ELSPBP1: variants seen among roughly 807,000 people sequenced by gnomAD.
The protein encoded by ELSPBP1 is epididymal sperm binding protein 1.
Under a neutral mutation model 33.3 loss-of-function variants are expected in ELSPBP1, and 38 were observed. The observed-to-expected ratio is 1.14, with a 90% confidence interval of 0.88 to 1.50. ELSPBP1 has a LOEUF of 1.50. Among genes scored for constraint, ELSPBP1 ranks in the 40% most tolerant of loss-of-function variants. The pLI is 0.00. For missense variants in ELSPBP1, 267 were observed against 263.5 expected (o/e 1.01, Z -0.09); for synonymous variants, 85 against 94.1 (o/e 0.90, Z 0.56).
chr19:48,023,358 A>AAGGGAGGAAGGAAGAGAGGAAAGG (rs1967225308), intron 6 of ELSPBP1, among the ~76,000 whole-genome samples: 1 of 109,528 alleles, frequency 9.1e-6, no homozygotes, highest in Admixed American at 9.5e-5. Flanking sequence ...GGAAAGAAGG[A>AAGGGAGGAAGGAAGAGAGGAAAGG]AGGGAGGAAG....
chr19:48,022,025 T>C, intron 5 of ELSPBP1, 145 bp from the exon 6 acceptor site: 1 of 699,582 alleles, frequency 1.4e-6, no homozygotes, highest in Non-Finnish European at 2.4e-6. Context: ...TGGGATTAAA[T>C]GCGCGCGATT....
At chr19:48,012,522 A>T (rs1157221115) in intron 2 of ELSPBP1, among the ~76,000 whole-genome samples, 1 of 152,066 alleles carries the variant, frequency 6.6e-6, no homozygotes, top group African/African-American at 2.4e-5. Context: ...ATCAATTCTC[A>T]TTTTCATATT....
At chr19:47,996,383 T>A (rs1224578877) in intron 1 of ELSPBP1, among the ~76,000 whole-genome samples, 1 of 152,148 alleles carries the variant, frequency 6.6e-6, no homozygotes, top group African/African-American at 2.4e-5. Context: ...GATGAATGAT[T>A]GATGGATGGA....
chr19:48,002,394 T>C (rs1966976607), intron 1 of ELSPBP1, among the ~76,000 whole-genome samples: 1 of 152,008 alleles, frequency 6.6e-6, no homozygotes, highest in South Asian at 2.1e-4. Context: ...GGAATTGGGG[T>C]TTTGGGCCAG....
intron 2 of ELSPBP1, among the ~76,000 whole-genome samples, chr19:48,009,150 A>G (rs1446804376): frequency 6.6e-6 from 1 of 151,954 alleles, no homozygotes. Flanking sequence ...AAAAAAAAAA[A>G]AAAATCTCAG....
chr19:47,995,448 T>C (rs1966903549), intron 1 of ELSPBP1, among the ~76,000 whole-genome samples: 1 of 152,208 alleles, frequency 6.6e-6, no homozygotes, highest in Non-Finnish European at 1.5e-5. Context: ...GTTCTGTCAA[T>C]GTTTGGACCA....
intron 2 of ELSPBP1, among the ~76,000 whole-genome samples, chr19:48,010,668 G>A (rs118051387): frequency 0.011 from 1,711 of 152,304 alleles, 72 homozygotes; most frequent in Admixed American, 0.072. Flanking sequence ...AAGCTGGGAA[G>A]AGAGGAAAGG....
chr19:48,005,437 C>G (rs1967008178), intron 1 of ELSPBP1, among the ~76,000 whole-genome samples: 1 of 135,010 alleles, frequency 7.4e-6, no homozygotes, highest in Admixed American at 7.7e-5. Flanking sequence ...CAGCAAGAGA[C>G]AGGGACAGCA....
chr19:48,021,434 T>G (rs1187401551), intron 5 of ELSPBP1, among the ~76,000 whole-genome samples: 1 of 133,232 alleles, frequency 7.5e-6, no homozygotes, highest in Non-Finnish European at 1.6e-5. Flanking sequence ...CTTTTTATAT[T>G]TTGTTTTATT....
chr19:48,020,644 C>T (rs898281560), intron 5 of ELSPBP1, among the ~76,000 whole-genome samples: 2 of 152,160 alleles, frequency 1.3e-5, no homozygotes, highest in African/African-American at 4.8e-5. Flanking sequence ...GAGACAAATC[C>T]TCCATCCACC....
intron 3 of ELSPBP1, among the ~76,000 whole-genome samples, chr19:48,015,615 G>C (rs928151287): frequency 1.4e-4 from 22 of 152,082 alleles, no homozygotes; most frequent in African/African-American, 4.6e-4. Flanking sequence ...CCAAGATCTC[G>C]CTATTGCACT....
intron 2 of ELSPBP1, among the ~76,000 whole-genome samples, chr19:48,009,570 G>A (rs34008653): frequency 0.17 from 25,410 of 152,060 alleles, 2,187 homozygotes; most frequent in South Asian, 0.23. Context: ...CTGATAAATC[G>A]TTCTCCTCTG....
At chr19:48,012,292 CTTGT>C (rs1348699776) in intron 2 of ELSPBP1, among the ~76,000 whole-genome samples, 10 of 146,912 alleles carry the variant, frequency 6.8e-5, no homozygotes, top group Non-Finnish European at 1.1e-4. Context: ...CCCGGCTAAT[CTTGT>C]TTGTTTGTTT....
At chr19:48,019,405 T>G (rs1033182860) in intron 4 of ELSPBP1, among the ~76,000 whole-genome samples, 3 of 152,168 alleles carry the variant, frequency 2.0e-5, no homozygotes, top group Non-Finnish European at 4.4e-5. Flanking sequence ...TGGAGGCTTC[T>G]GGAATGAATA....
At chr19:48,016,514 TTCTTTC>T (rs1283672278) in intron 4 of ELSPBP1, among the ~76,000 whole-genome samples, 1 of 99,044 alleles carries the variant, frequency 1.0e-5, no homozygotes, top group African/African-American at 3.7e-5. Flanking sequence ...CTTTCTTTCT[TTCTTTC>T]TTTCTTTCTT....
chr19:48,014,625 T>C (rs1353875769), intron 3 of ELSPBP1, among the ~76,000 whole-genome samples: 1 of 151,750 alleles, frequency 6.6e-6, no homozygotes, highest in Non-Finnish European at 1.5e-5. Flanking sequence ...TATACATATG[T>C]AACAAACCTG....
rs113238495 is a variant in ELSPBP1, at chr19:48,006,122, G to A, written c.-17-2529G>A. Among the ~76,000 whole-genome samples, 418 of 152,038 alleles carry A rather than the reference G, an allele frequency of 2.7e-3. 3 individuals are homozygous for A. Among genetic ancestry groups the A allele is most frequent in the African/African-American group, 8.0e-3 (332 of 41,466 alleles). ...ACTACAGGCATGCACCACCATGCAA[G>A]GCTATTTTTTTTATTTTTGTAGAGA... On this transcript the variant is annotated intron_variant, in intron 1 of 6. Transcript: ENST00000339841.
intron 4 of ELSPBP1, among the ~76,000 whole-genome samples, chr19:48,016,488 C>CT (rs780950808): frequency 1.2e-5 from 1 of 84,648 alleles, no homozygotes; most frequent in African/African-American, 5.3e-5. Context: ...TTCTTTCTTT[C>CT]TTTCTTTCTT....
rs1485791954 is a variant in ELSPBP1 at position 48,019,788 on chromosome 19, AT to A, written c.427del (p.Cys143AlafsTer98). ...PSIYRNNVVS[D>X]CMEDESNKLW... ...ATCTACAGAAATAATGTGGTCTCTGATTGCATGGAGGATGAAAGCAACAAGC... is the reference window on the plus strand; with the variant it reads ...ATCTACAGAAATAATGTGGTCTCTGATGCATGGAGGATGAAAGCAACAAGC... On this transcript the variant is annotated frameshift_variant, in exon 5 of 7. Transcript: ENST00000339841. LOFTEE classifies it high-confidence loss of function. The A allele has an allele frequency of 2.5e-6, 4 of 1,610,088 alleles. No individual in the cohort carries two copies. The African/African-American group carries it at 5.4e-5, about 22-fold the overall frequency.
Sources: gnomAD v4.1 joint callset for allele counts (sites outside exome capture counted in the v4.1 genomes callset) on GRCh38, gnomAD v4.1.1 for gene constraint, MANE v1.5 for transcripts, NCBI Gene and HGNC (gene_info 2026-07-23, HGNC 2026-07-21) for gene names.